The following ST7L variants were observed in gnomAD, a reference collection of about 807,000 sequenced individuals.
The protein encoded by ST7L is suppressor of tumorigenicity 7 protein-like.
ST7L carries 57 observed loss-of-function variants against 72.5 expected under a neutral mutation model. The ratio of observed to expected loss-of-function variants is 0.79; its 90% CI spans 0.64 to 0.98. The LOEUF is 0.98. ST7L is among the 50% of genes least tolerant of loss of function. ST7L has a pLI of 0.00. For synonymous variants in ST7L, 221 were observed against 240.9 expected (o/e 0.92, Z 0.77); for missense variants, 576 against 672.2 (o/e 0.86, Z 1.58).
chr1:112,570,842 T>C, intron 11 of ST7L: 1 of 443,872 alleles, frequency 2.3e-6, no homozygotes. Context: ...ATTATTCAGG[T>C]TGGTGAAGTT....
At chr1:112,584,180 C>T in intron 6 of ST7L, 54 bp from the exon 7 acceptor site, 1 of 1,563,566 alleles carries the variant, frequency 6.4e-7, no homozygotes, top group Non-Finnish European at 8.7e-7. Context: ...CAAGTGTTTT[C>T]TCTTGGTTAT....
intron 13 of ST7L, among the ~76,000 whole-genome samples, chr1:112,545,567 C>A (rs1214878303): frequency 6.6e-6 from 1 of 152,166 alleles, no homozygotes; most frequent in Non-Finnish European, 1.5e-5. Context: ...AATAAAATTT[C>A]TCTCATTAAT....
intron 11 of ST7L, among the ~76,000 whole-genome samples, chr1:112,558,736 GTTCTCTCCCC>G (rs1284768307): frequency 6.6e-6 from 1 of 152,182 alleles, no homozygotes; most frequent in Non-Finnish European, 1.5e-5. Context: ...GCCTGGTTGG[GTTCTCTCCCC>G]TTAGTGCTTT....
intron 11 of ST7L, among the ~76,000 whole-genome samples, chr1:112,569,413 C>T (rs1661669089): frequency 1.3e-5 from 2 of 152,086 alleles, no homozygotes; most frequent in Non-Finnish European, 2.9e-5. Flanking sequence ...CTACATTATG[C>T]TAAGTGAAAG....
At chr1:112,612,173 T>C (rs1366320297) in intron 2 of ST7L, among the ~76,000 whole-genome samples, 1 of 152,092 alleles carries the variant, frequency 6.6e-6, no homozygotes, top group African/African-American at 2.4e-5. Context: ...CACAGCTCAC[T>C]GAAACCTTGA....
At chr1:112,602,399 C>T (rs1459396729) in intron 3 of ST7L, among the ~76,000 whole-genome samples, 1 of 152,188 alleles carries the variant, frequency 6.6e-6, no homozygotes, top group Admixed American at 6.5e-5. Flanking sequence ...ACCTGCCTCA[C>T]TTGTCTTACT....
chr1:112,573,791 G>A (rs181498053), intron 11 of ST7L, among the ~76,000 whole-genome samples: 212 of 151,990 alleles, frequency 1.4e-3, no homozygotes, highest in South Asian at 3.5e-3. Context: ...CACTTTGGGA[G>A]GCTGAGGCGG....
chr1:112,568,867 T>TAA (rs1661559143), intron 11 of ST7L, among the ~76,000 whole-genome samples: 2 of 51,030 alleles, frequency 3.9e-5, no homozygotes, highest in Non-Finnish European at 9.3e-5. Flanking sequence ...TATAAATATA[T>TAA]ATATATATAT....
At chr1:112,604,964 G>C (rs370915405) in intron 3 of ST7L, among the ~76,000 whole-genome samples, 2 of 150,864 alleles carry the variant, frequency 1.3e-5, no homozygotes, top group South Asian at 4.2e-4. Context: ...GTGCATGCCT[G>C]TAATCCCAGC....
At chr1:112,543,798 G>A (rs561292742) in intron 13 of ST7L, among the ~76,000 whole-genome samples, 91 of 149,728 alleles carry the variant, frequency 6.1e-4, no homozygotes, top group African/African-American at 2.1e-3. Context: ...GAACCTGAGA[G>A]GCAGAGGTTG....
intron 5 of ST7L, among the ~76,000 whole-genome samples, chr1:112,596,314 T>G (rs1214214619): frequency 6.6e-6 from 1 of 152,216 alleles, no homozygotes; most frequent in African/African-American, 2.4e-5. Flanking sequence ...TGCAGGAAAC[T>G]GGCTATTTTT....
At chr1:112,554,384 A>G (rs185478732) in intron 12 of ST7L, among the ~76,000 whole-genome samples, 53 of 152,316 alleles carry the variant, frequency 3.5e-4, no homozygotes, top group Non-Finnish European at 3.2e-4. Flanking sequence ...TAATCATCAG[A>G]GAAATGCAAA....
intron 12 of ST7L, among the ~76,000 whole-genome samples, chr1:112,551,072 C>G (rs1658046011): frequency 6.7e-6 from 1 of 149,948 alleles, no homozygotes; most frequent in Admixed American, 6.6e-5. Context: ...TATTGGCAAC[C>G]TAAAATAGTT....
At chr1:112,584,201 T>C in intron 6 of ST7L, 75 bp from the exon 7 acceptor site, 1 of 1,441,134 alleles carries the variant, frequency 6.9e-7, no homozygotes, top group Non-Finnish European at 9.2e-7. Flanking sequence ...GTCCCTTTGC[T>C]CTATGTCATA....
intron 2 of ST7L, among the ~76,000 whole-genome samples, chr1:112,616,029 G>A (rs1247842332): frequency 2.6e-5 from 4 of 152,038 alleles, no homozygotes; most frequent in East Asian, 1.9e-4. Context: ...TAGCCACCAC[G>A]TCCGGCCTGT....
At chr1:112,588,884 T>C (rs1665262434) in intron 6 of ST7L, among the ~76,000 whole-genome samples, 1 of 152,214 alleles carries the variant, frequency 6.6e-6, no homozygotes. Flanking sequence ...TTGATATGCG[T>C]GATAGCATCC....
chr1:112,568,861 A>AATATATATATAT (rs377429784), intron 11 of ST7L, among the ~76,000 whole-genome samples: 30 of 114,874 alleles, frequency 2.6e-4, no homozygotes, highest in Non-Finnish European at 3.9e-4. Flanking sequence ...TATAAATATA[A>AATATATATATAT]ATATATATAT....
At chr1:112,607,362 G>A (rs1230866260) in intron 3 of ST7L, 1 of 152,408 alleles carries the variant, frequency 6.6e-6, no homozygotes, top group African/African-American at 2.4e-5. Context: ...CACTTTGGGA[G>A]GCCGAGGTGG....
intron 3 of ST7L, among the ~76,000 whole-genome samples, chr1:112,608,219 A>G (rs1028183886): frequency 6.6e-6 from 1 of 151,932 alleles, no homozygotes; most frequent in African/African-American, 2.4e-5. Flanking sequence ...GGGTCTTGCT[A>G]TGTTGCCCAG....
Sources: gnomAD v4.1 joint callset for allele counts (sites outside exome capture counted in the v4.1 genomes callset) on GRCh38, gnomAD v4.1.1 for gene constraint, MANE v1.5 for transcripts, NCBI Gene and HGNC (gene_info 2026-07-23, HGNC 2026-07-21) for gene names.